The following GRAMD1B variants were observed in gnomAD, a reference collection of about 807,000 sequenced individuals.
The protein encoded by GRAMD1B is GRAM domain containing 1B, also known as protein Aster-B.
In GRAMD1B, 37 loss-of-function variants were observed where a neutral mutation model predicts 99.7. The observed-to-expected ratio is 0.37, with a 90% CI of 0.29 to 0.49. GRAMD1B has a LOEUF of 0.49. GRAMD1B is among the 20% of genes least tolerant of loss of function. The probability of loss-of-function intolerance (pLI) is 0.98; values close to 1 mark genes in which losing one functional copy is unlikely to be tolerated. For missense variants in GRAMD1B, 888 were observed against 1,009.2 expected (o/e 0.88, Z 1.63); for synonymous variants, 427 against 387.6 (o/e 1.10, Z -1.19).
intron 2 of GRAMD1B, among the ~76,000 whole-genome samples, chr11:123,537,110 T>TGCATAAA (rs1168187519): frequency 6.6e-6 from 1 of 152,172 alleles, no homozygotes; most frequent in Admixed American, 6.5e-5. Flanking sequence ...TCTACTGGGC[T>TGCATAAA]AGGTGGCAAG....
chr11:123,520,388 T>A (rs1942079120), intron 2 of GRAMD1B, among the ~76,000 whole-genome samples: 1 of 152,186 alleles, frequency 6.6e-6, no homozygotes, highest in African/African-American at 2.4e-5. Context: ...CAAGCCTGTT[T>A]ATAAAAACCC....
intron 1 of GRAMD1B, among the ~76,000 whole-genome samples, chr11:123,477,723 C>A (rs1951364577): frequency 6.8e-6 from 1 of 147,390 alleles, no homozygotes; most frequent in South Asian, 2.2e-4. Flanking sequence ...CTTTCCTTTC[C>A]CTTTCTCTTC....
chr11:123,446,737 A>T (rs1949662662), intron 1 of GRAMD1B, among the ~76,000 whole-genome samples: 1 of 152,104 alleles, frequency 6.6e-6, no homozygotes, highest in South Asian at 2.1e-4. Context: ...TTGTGCGCTT[A>T]CTGGGAACCT....
chr11:123,567,494 T>C (rs1947519137), intron 2 of GRAMD1B, among the ~76,000 whole-genome samples: 1 of 152,262 alleles, frequency 6.6e-6, no homozygotes, highest in African/African-American at 2.4e-5. Context: ...ACAGGAACTC[T>C]TGCTTTTTTC....
chr11:123,410,409 GC>G (rs1479295586), intron 1 of GRAMD1B, among the ~76,000 whole-genome samples: 7 of 152,104 alleles, frequency 4.6e-5, no homozygotes, highest in Non-Finnish European at 8.8e-5. Flanking sequence ...AAGATTTCTT[GC>G]CCCAAACTCC....
chr11:123,454,374 T>G (rs761028763), intron 1 of GRAMD1B: 1 of 152,200 alleles, frequency 6.6e-6, no homozygotes, highest in Non-Finnish European at 1.5e-5. Flanking sequence ...CCCCAGGGCT[T>G]GCGTTGTTTT....
chr11:123,586,301 G>A (rs1375182109), intron 4 of GRAMD1B, among the ~76,000 whole-genome samples: 4 of 152,276 alleles, frequency 2.6e-5, no homozygotes, highest in Admixed American at 1.3e-4. Flanking sequence ...GGACCTCAGC[G>A]ACTCTGCATC....
intron 2 of GRAMD1B, among the ~76,000 whole-genome samples, chr11:123,513,599 T>C (rs1347971908): frequency 2.3e-4 from 24 of 105,554 alleles, no homozygotes; most frequent in African/African-American, 9.5e-4. Context: ...CCTTCCTTCC[T>C]TCCTTCCTTC....
At chr11:123,420,542 G>T (rs1465406477) in intron 1 of GRAMD1B, among the ~76,000 whole-genome samples, 1 of 151,934 alleles carries the variant, frequency 6.6e-6, no homozygotes, top group Non-Finnish European at 1.5e-5. Flanking sequence ...TTTAGAATTC[G>T]ATACAAACTC....
At chr11:123,379,179 G>A (rs1279129450) in intron 1 of GRAMD1B, among the ~76,000 whole-genome samples, 1 of 152,208 alleles carries the variant, frequency 6.6e-6, no homozygotes, top group Non-Finnish European at 1.5e-5. Flanking sequence ...GGTTAGAAGG[G>A]AGAGAAGAAA....
intron 1 of GRAMD1B, among the ~76,000 whole-genome samples, chr11:123,441,375 C>T (rs553226441): frequency 2.6e-5 from 4 of 152,232 alleles, no homozygotes; most frequent in South Asian, 2.1e-4. Context: ...TGGTGGTTCA[C>T]GCCTATAATC....
chr11:123,469,769 CTCTTTCTTTCCTTCCT>C (rs1950906249), intron 1 of GRAMD1B, among the ~76,000 whole-genome samples: 1 of 90,230 alleles, frequency 1.1e-5, no homozygotes, highest in African/African-American at 3.3e-5. Context: ...TTCTTTCTTT[CTCTTTCTTTCCTTCCT>C]TCCTTCCTTC....
At chr11:123,481,137 G>A (rs1389642780) in intron 2 of GRAMD1B, among the ~76,000 whole-genome samples, 1 of 152,188 alleles carries the variant, frequency 6.6e-6, no homozygotes, top group Non-Finnish European at 1.5e-5. Flanking sequence ...AAGTCAACGT[G>A]TGGCAAACCA....
chr11:123,494,435 T>C (rs80156150), intron 2 of GRAMD1B, among the ~76,000 whole-genome samples: 1 of 150,198 alleles, frequency 6.7e-6, no homozygotes, highest in South Asian at 2.1e-4. Context: ...TTTTTTTTTT[T>C]AGGTCTGAGC....
chr11:123,542,612 T>C (rs1944643214), intron 2 of GRAMD1B, among the ~76,000 whole-genome samples: 1 of 152,180 alleles, frequency 6.6e-6, no homozygotes, highest in South Asian at 2.1e-4. Flanking sequence ...ATGAGGTCAT[T>C]CTATGCGGAG....
At chr11:123,615,202 A>G (rs1954187589) in intron 17 of GRAMD1B, among the ~76,000 whole-genome samples, 1 of 152,226 alleles carries the variant, frequency 6.6e-6, no homozygotes, top group Non-Finnish European at 1.5e-5. Context: ...TCATTCCTTC[A>G]TTAGATGTTC....
intron 2 of GRAMD1B, among the ~76,000 whole-genome samples, chr11:123,570,955 G>A (rs1156290078): frequency 6.6e-6 from 1 of 152,182 alleles, no homozygotes; most frequent in East Asian, 1.9e-4. Flanking sequence ...ACACTTCATT[G>A]CAGTGTCCAG....
In GRAMD1B at chr11:123,430,560, G is replaced by A; in HGVS notation, c.-233G>A. 2.2e-6 allele frequency: 1 copy of A among 445,924 alleles called. No homozygotes were observed. Among genetic ancestry groups the A allele is most frequent in the Non-Finnish European group, 3.9e-6 (1 of 253,630 alleles). The allele number at this position is 445,924 out of a possible 1,614,324, so 27.6% of individuals were successfully genotyped here. A position where few individuals can be genotyped will look rare whatever the true frequency, so the allele number is the denominator to read the frequency against. On this transcript the variant is annotated 5_prime_UTR_variant, in exon 1 of 20. Transcript: ENST00000635736. The stretch of plus-strand genomic sequence containing the variant: ...CCCGCCCCTCCCGGGTGGCCTCGCC[G>A]GCGGCTGACGGCCCGGAGGACGCGC...
At chr11:123,483,318 G>A (rs1048740870) in intron 2 of GRAMD1B, among the ~76,000 whole-genome samples, 13 of 151,858 alleles carry the variant, frequency 8.6e-5, no homozygotes, top group African/African-American at 2.9e-4. Flanking sequence ...CGATTTCATC[G>A]TGCTTCTCAG....
Sources: allele counts gnomAD v4.1 joint callset (sites outside exome capture counted in the v4.1 genomes callset), GRCh38; gene constraint gnomAD v4.1.1; transcripts MANE v1.5; gene names NCBI Gene and HGNC (gene_info 2026-07-23, HGNC 2026-07-21).